Variants in SLC1A1 observed in about 807,000 individuals in gnomAD.
The protein encoded by SLC1A1 is solute carrier family 1 member 1.
SLC1A1 carries 43 observed loss-of-function variants against 53.3 expected under a neutral mutation model. The ratio of observed to expected loss-of-function variants is 0.81; its 90% CI spans 0.63 to 1.04. The LOEUF (loss-of-function observed/expected upper bound fraction) is 1.04. SLC1A1 is among the 50% of genes least tolerant of loss of function. The pLI is 0.00. For synonymous variants in SLC1A1, 307 were observed against 243.2 expected, an observed-to-expected ratio of 1.26 and a Z score of -2.44; for missense variants, 748 against 664.9, an observed-to-expected ratio of 1.12 and a Z score of -1.37.
At position 4,527,955 on chromosome 9, in the gene SLC1A1, G is replaced by A. The variant is rs773790483; in HGVS notation, c.92-16612G>A. Among the ~76,000 whole-genome samples, 76 of 152,214 alleles carry A rather than the reference G, an allele frequency of 5.0e-4. 1 individual carries two copies. Among genetic ancestry groups the A allele is most frequent in the Middle Eastern group, 3.4e-3 (1 of 294 alleles). ...CTTATTGGGGTCACAAACTAAGAAC[G>A]AAAGAATACCCACCTCTTGTTACTC... is the stretch of plus-strand genomic sequence containing the variant. On this transcript the variant is annotated intron_variant, in intron 1 of 11. Coordinates refer to ENST00000262352, the MANE Select transcript of SLC1A1 (RefSeq NM_004170.6).
chr9:4,547,638 G>A (rs933007871), intron 2 of SLC1A1, among the ~76,000 whole-genome samples: 8 of 152,262 alleles, frequency 5.3e-5, no homozygotes, highest in African/African-American at 1.9e-4. Flanking sequence ...TCTTCACCCA[G>A]TAATTCTGTT....
At chr9:4,498,953 C>A (rs1262972276) in intron 1 of SLC1A1, among the ~76,000 whole-genome samples, 1 of 140,776 alleles carries the variant, frequency 7.1e-6, no homozygotes, top group South Asian at 2.2e-4. Context: ...ATAATATATA[C>A]ATATATATTA....
At chr9:4,497,383 G>C (rs1485010484) in intron 1 of SLC1A1, among the ~76,000 whole-genome samples, 1 of 152,102 alleles carries the variant, frequency 6.6e-6, no homozygotes, top group East Asian at 1.9e-4. Flanking sequence ...CCTATATTCT[G>C]ATGTTTCTGC....
chr9:4,578,432 C>T (rs550789326), intron 10 of SLC1A1, among the ~76,000 whole-genome samples: 1 of 152,030 alleles, frequency 6.6e-6, no homozygotes, highest in Admixed American at 6.5e-5. Flanking sequence ...GATGACATGA[C>T]GTAGGGAGAG....
At position 4,497,135 on chromosome 9, in the gene SLC1A1, A is replaced by AT. The variant is rs34455753; in HGVS notation, c.91+6374dup. Reference sequence around the variant, plus strand: ...AACCGGGTGGTTTTAAAAAACAGAAATTTTTTTTTGAGACTTAGGTGTATC... The same window carrying AT: ...AACCGGGTGGTTTTAAAAAACAGAAATTTTTTTTTTGAGACTTAGGTGTATC... On this transcript the variant is annotated intron_variant, in intron 1 of 11. Transcript: ENST00000262352. Among the ~76,000 whole-genome samples the AT allele has an allele frequency of 1.3e-4, 20 of 151,692 alleles. No individual in the cohort carries two copies. The South Asian group carries it at 3.3e-3, about 25-fold the overall frequency.
chr9:4,578,661 G>T (rs11791930), intron 10 of SLC1A1, among the ~76,000 whole-genome samples: 4 of 152,000 alleles, frequency 2.6e-5, no homozygotes, highest in African/African-American at 4.8e-5. Flanking sequence ...GTGAAATGAG[G>T]ATAGACATTG....
chr9:4,500,415 C>T (rs544026749), intron 1 of SLC1A1, among the ~76,000 whole-genome samples: 1 of 152,096 alleles, frequency 6.6e-6, no homozygotes, highest in African/African-American at 2.4e-5. Context: ...TCAAACAATT[C>T]TCCTGCCTCA....
At chr9:4,571,257 G>C (rs1820012889) in intron 6 of SLC1A1, among the ~76,000 whole-genome samples, 1 of 152,046 alleles carries the variant, frequency 6.6e-6, no homozygotes, top group African/African-American at 2.4e-5. Flanking sequence ...AGGAGGGAGA[G>C]GATCAGGAAA....
chr9:4,540,205 CAGGGA>C (rs1816886909), intron 1 of SLC1A1, among the ~76,000 whole-genome samples: 1 of 151,996 alleles, frequency 6.6e-6, no homozygotes, highest in Non-Finnish European at 1.5e-5. Flanking sequence ...GGAGTCTGGC[CAGGGA>C]TGGCCAGACT....
intron 1 of SLC1A1, among the ~76,000 whole-genome samples, chr9:4,508,345 G>A (rs1044512316): frequency 2.0e-5 from 3 of 152,206 alleles, no homozygotes; most frequent in Admixed American, 6.5e-5. Flanking sequence ...ACCTGTGGGA[G>A]AGTGAGAGTC....
At chr9:4,497,508 C>T (rs1563991726) in intron 1 of SLC1A1, among the ~76,000 whole-genome samples, 1 of 152,190 alleles carries the variant, frequency 6.6e-6, no homozygotes. Context: ...ATTGCTGAGC[C>T]ATTTATGACC....
At chr9:4,533,709 C>T (rs1204167167) in intron 1 of SLC1A1, among the ~76,000 whole-genome samples, 1 of 152,136 alleles carries the variant, frequency 6.6e-6, no homozygotes, top group African/African-American at 2.4e-5. Context: ...CTGCACCAAG[C>T]AGACCTAACA....
At chr9:4,554,147 A>T (rs540014744) in intron 2 of SLC1A1, 2 of 152,214 alleles carry the variant, frequency 1.3e-5, no homozygotes. Context: ...AGATTAAGCC[A>T]CTTTTTCAAG....
intron 3 of SLC1A1, among the ~76,000 whole-genome samples, chr9:4,563,146 GA>G (rs761603173): frequency 5.4e-4 from 74 of 138,032 alleles, no homozygotes; most frequent in Middle Eastern, 3.9e-3. Flanking sequence ...GAGAGAGAGA[GA>G]AAAAAAAAAA....
In SLC1A1 at chr9:4,583,877, C is replaced by CAT. The variant is rs1821333919; in HGVS notation, c.1328+705_1328+706insAT. Among the ~76,000 whole-genome samples, 2 of 132,762 alleles carry CAT rather than the reference C, an allele frequency of 1.5e-5. No individual in the cohort carries two copies. The highest frequency in any genetic ancestry group is 1.5e-4 in the Admixed American group (2 of 13,346). The allele number at this position is 132,762 out of a possible 152,430, so 87.1% of individuals were successfully genotyped here. Reference sequence around the variant, plus strand: ...CTTCTCTCTCTCTCTCTCTCTCTCTCTCTCTCACACACACACACACACACA... The same window carrying CAT: ...CTTCTCTCTCTCTCTCTCTCTCTCTCATTCTCTCACACACACACACACACACA... On this transcript the variant is annotated intron_variant, in intron 11 of 11. Transcript: ENST00000262352. This position sits in a 1 kb window ranked among gnomAD's most constrained non-coding sequence, Gnocchi z 4.6.
chr9:4,542,506 C>G (rs10974616), intron 1 of SLC1A1, among the ~76,000 whole-genome samples: 26,894 of 152,174 alleles, frequency 0.18, 2,632 homozygotes, highest in African/African-American at 0.23. Context: ...ACATGGGTTT[C>G]TCTTGCTATT....
chr9:4,502,589 A>T (rs1586691791), intron 1 of SLC1A1, among the ~76,000 whole-genome samples: 1 of 151,472 alleles, frequency 6.6e-6, no homozygotes, highest in East Asian at 1.9e-4. Context: ...GGGGGTTCCC[A>T]TTTTACCAGA....
chr9:4,532,604 G>C (rs1342133048), intron 1 of SLC1A1, among the ~76,000 whole-genome samples: 1 of 152,206 alleles, frequency 6.6e-6, no homozygotes, highest in Admixed American at 6.5e-5. Context: ...ACCTGAAAGT[G>C]ATGGGGAGAA....
chr9:4,583,311 G>C lies in SLC1A1; in HGVS notation c.1328+139G>C. ...TGCTGCTTTAATTTTCCTCTGACCA[G>C]GCCATCTGATAACATGCCTAAAAAT... On this transcript the variant is annotated intron_variant, in intron 11 of 11. Coordinates refer to ENST00000262352, the MANE Select transcript of SLC1A1 (RefSeq NM_004170.6). The surrounding 1 kb of genome is among the most constrained non-coding windows in gnomAD (Gnocchi z 4.6). 1 of 1,096,046 alleles carries C rather than the reference G, an allele frequency of 9.1e-7. No homozygotes were observed. The allele number at this position is 1,096,046 out of a possible 1,614,324, so 67.9% of individuals were successfully genotyped here.
Sources: allele counts gnomAD v4.1 joint callset (sites outside exome capture counted in the v4.1 genomes callset), GRCh38; gene constraint gnomAD v4.1.1; non-coding constraint Gnocchi (gnomAD v3.1); transcripts MANE v1.5; gene names NCBI Gene and HGNC (gene_info 2026-07-23, HGNC 2026-07-21).